Variants in PLLP observed in about 807,000 individuals in gnomAD.
PLLP encodes the protein plasma membrane proteolipid (plasmolipin).
Under a neutral mutation model 19.7 loss-of-function variants are expected in PLLP, and 15 were observed. The observed-to-expected ratio is 0.76, with a 90% CI of 0.51 to 1.17. The LOEUF is 1.17. Ranked by LOEUF, PLLP falls within the 50% of genes most tolerant of loss-of-function variation. The pLI, the probability that PLLP is intolerant of heterozygous loss-of-function variation, is 0.00. For synonymous variants in PLLP, 111 were observed against 116.3 expected, an observed-to-expected ratio of 0.95 and a Z score of 0.29; for missense variants, 255 against 258.3, an observed-to-expected ratio of 0.99 and a Z score of 0.09.
At position 57,280,691 on chromosome 16, in the gene PLLP, C is replaced by T. The variant is rs146902190; in HGVS notation, c.135+3715G>A. ...CAAATAATCAACAGCCTTAAACTTGCTGCAAGTCAATTCTCCCCTCCACAC... is the reference window on the plus strand; with the variant it reads ...CAAATAATCAACAGCCTTAAACTTGTTGCAAGTCAATTCTCCCCTCCACAC... On this transcript the variant is annotated intron_variant, in intron 1 of 3. Coordinates refer to ENST00000219207, the MANE Select transcript of PLLP (RefSeq NM_015993.3). Among the ~76,000 whole-genome samples the T allele has an allele frequency of 5.2e-3, 792 of 152,300 alleles. 12 individuals are homozygous for T. The highest frequency in any genetic ancestry group is 0.018 in the African/African-American group (737 of 41,554).
intron 1 of PLLP, among the ~76,000 whole-genome samples, chr16:57,270,099 A>C (rs1471349195): frequency 6.6e-6 from 1 of 152,178 alleles, no homozygotes; most frequent in African/African-American, 2.4e-5. Context: ...GGGTGACTGA[A>C]CCAAAGGTTT....
intron 1 of PLLP, among the ~76,000 whole-genome samples, chr16:57,266,863 CTTTTTTTTT>C (rs34562097): frequency 1.0e-5 from 1 of 97,338 alleles, no homozygotes; most frequent in Non-Finnish European, 2.1e-5. Context: ...GGCACAGGGC[CTTTTTTTTT>C]TTTTTTTTTT....
chr16:57,280,047 C>T (rs1263314790), intron 1 of PLLP, among the ~76,000 whole-genome samples: 1 of 152,210 alleles, frequency 6.6e-6, no homozygotes, highest in Non-Finnish European at 1.5e-5. Flanking sequence ...CTGGTCTGTC[C>T]TGATCCTCCT....
At chr16:57,279,961 G>T (rs1901199416) in intron 1 of PLLP, among the ~76,000 whole-genome samples, 1 of 152,246 alleles carries the variant, frequency 6.6e-6, no homozygotes, top group East Asian at 1.9e-4. Flanking sequence ...TGGCCTTACC[G>T]CCACAGGGCA....
At chr16:57,261,247 C>T (rs2081225) in intron 2 of PLLP, among the ~76,000 whole-genome samples, 16,480 of 152,106 alleles carry the variant, frequency 0.11, 1,165 homozygotes, top group South Asian at 0.29. Context: ...TCAGGTGATC[C>T]ACTCACCTCA....
rs559478167 is a variant in PLLP, at chr16:57,256,163, G to A, written c.*750C>T. The A allele has an allele frequency of 1.1e-4, 45 of 396,334 alleles. No individual in the cohort carries two copies. In the East Asian group the frequency reaches 1.4e-3, roughly 12 times the overall value. 24.6% of individuals were successfully genotyped at this position (396,334 alleles called of 1,614,324 possible). ...GTCACCACCAACCACATGACAACTC[G>A]CCAGGCAAGGCCTTGCTTCCCTCCC... On this transcript the variant is annotated 3_prime_UTR_variant, in exon 4 of 4. Coordinates refer to ENST00000219207, the MANE Select transcript of PLLP (RefSeq NM_015993.3).
chr16:57,271,234 A>C (rs1250623519), intron 1 of PLLP, among the ~76,000 whole-genome samples: 1 of 152,050 alleles, frequency 6.6e-6, no homozygotes, highest in Non-Finnish European at 1.5e-5. Flanking sequence ...GACCCCCAGC[A>C]AGGTCCTGCA....
At chr16:57,272,002 T>G (rs1370466695) in intron 1 of PLLP, among the ~76,000 whole-genome samples, 1 of 151,958 alleles carries the variant, frequency 6.6e-6, no homozygotes, top group Non-Finnish European at 1.5e-5. Flanking sequence ...CACAGAGCAT[T>G]CCCAGGAAGG....
rs142364941 is a variant in PLLP, at chr16:57,279,859, A to G, written c.135+4547T>C. On this transcript the variant is annotated intron_variant, in intron 1 of 3. Coordinates refer to ENST00000219207, the MANE Select transcript of PLLP (RefSeq NM_015993.3). ...CCTGCCTAGCTAGGTGAGGCTTTTG[A>G]TCTGTTATTCACCTGCAAAGTGGGA... 3.9e-3 allele frequency among the ~76,000 whole-genome samples: 590 copies of G among 152,250 alleles called. 4 individuals carry two copies. The highest frequency in any genetic ancestry group is 0.014 in the African/African-American group (570 of 41,540).
chr16:57,267,957 C>T (rs1485851495), intron 1 of PLLP, among the ~76,000 whole-genome samples: 1 of 151,440 alleles, frequency 6.6e-6, no homozygotes, highest in Non-Finnish European at 1.5e-5. Flanking sequence ...GGGGGTTATA[C>T]TGGATTGGGG....
At chr16:57,264,736 CT>C (rs1467644703) in intron 1 of PLLP, among the ~76,000 whole-genome samples, 1 of 152,132 alleles carries the variant, frequency 6.6e-6, no homozygotes, top group East Asian at 1.9e-4. Context: ...GTGGTCCCAG[CT>C]ACTTGGGAGG....
intron 2 of PLLP, among the ~76,000 whole-genome samples, chr16:57,259,096 C>T (rs1388531298): frequency 7.2e-5 from 11 of 152,132 alleles, no homozygotes; most frequent in African/African-American, 2.7e-4. Flanking sequence ...GGCCCTGGTC[C>T]CCAGGAGGCC....
intron 1 of PLLP, among the ~76,000 whole-genome samples, chr16:57,271,983 C>T (rs769276666): frequency 6.6e-6 from 1 of 152,132 alleles, no homozygotes; most frequent in African/African-American, 2.4e-5. Flanking sequence ...ACCCAGGCCC[C>T]TCCAACCACA....
At chr16:57,261,625 A>C (rs1457160522) in intron 2 of PLLP, among the ~76,000 whole-genome samples, 1 of 152,038 alleles carries the variant, frequency 6.6e-6, no homozygotes, top group African/African-American at 2.4e-5. Flanking sequence ...GGAGGCTGAG[A>C]TGGGAGGATC....
intron 1 of PLLP, among the ~76,000 whole-genome samples, chr16:57,263,666 T>C (rs1267313206): frequency 1.3e-5 from 2 of 150,586 alleles, no homozygotes; most frequent in East Asian, 2.0e-4. Context: ...AGGGAGCTCG[T>C]GGAGGCCCCC....
chr16:57,265,467 CAACT>C (rs1472769887), intron 1 of PLLP, among the ~76,000 whole-genome samples: 1 of 152,218 alleles, frequency 6.6e-6, no homozygotes, highest in African/African-American at 2.4e-5. Flanking sequence ...TGCCAGCTTC[CAACT>C]AACTAAAGGA....
intron 1 of PLLP, among the ~76,000 whole-genome samples, chr16:57,272,248 A>G (rs1201533331): frequency 2.0e-5 from 3 of 152,198 alleles, no homozygotes; most frequent in Non-Finnish European, 2.9e-5. Flanking sequence ...GGACCTGGAT[A>G]GTTCTGTGGC....
intron 1 of PLLP, among the ~76,000 whole-genome samples, chr16:57,280,931 C>A (rs1191988233): frequency 6.6e-6 from 1 of 152,202 alleles, no homozygotes; most frequent in African/African-American, 2.4e-5. Context: ...AGCTGGGAGC[C>A]TTTCTACCCA....
chr16:57,274,285 A>G (rs759627467), intron 1 of PLLP, among the ~76,000 whole-genome samples: 2 of 151,802 alleles, frequency 1.3e-5, no homozygotes, highest in African/African-American at 2.4e-5. Context: ...ACCTGGCCCT[A>G]TTTTTTTCTT....
Sources: gnomAD v4.1 joint callset for allele counts (sites outside exome capture counted in the v4.1 genomes callset) on GRCh38, gnomAD v4.1.1 for gene constraint, MANE v1.5 for transcripts, NCBI Gene and HGNC (gene_info 2026-07-23, HGNC 2026-07-21) for gene names.